CNOT4: variants seen among roughly 807,000 people sequenced by gnomAD.
The protein encoded by CNOT4 is CCR4-associated factor 4.
CNOT4 carries 8 observed loss-of-function variants against 73.8 expected under a neutral mutation model. The observed-to-expected ratio is 0.11, with a 90% confidence interval of 0.06 to 0.20. The LOEUF (loss-of-function observed/expected upper bound fraction) is 0.20. Among genes scored for constraint, CNOT4 ranks in the 10% least tolerant of loss-of-function variants. The pLI is 1.00. For synonymous variants in CNOT4, 293 were observed against 321.1 expected, an observed-to-expected ratio of 0.91 and a Z score of 0.94; for missense variants, 564 against 883.4, an observed-to-expected ratio of 0.64 and a Z score of 4.58.
At chr7:135,480,175 T>A (rs573252618) in intron 1 of CNOT4, among the ~76,000 whole-genome samples, 1 of 152,324 alleles carries the variant, frequency 6.6e-6, no homozygotes, top group African/African-American at 2.4e-5. Context: ...TAATTTCTAG[T>A]AGTCTGGGAG....
At chr7:135,488,108 C>G (rs1369257929) in intron 1 of CNOT4, among the ~76,000 whole-genome samples, 1 of 151,854 alleles carries the variant, frequency 6.6e-6, no homozygotes, top group Non-Finnish European at 1.5e-5. Context: ...TCTTTAAACT[C>G]TACATAAATC....
intron 1 of CNOT4, among the ~76,000 whole-genome samples, chr7:135,458,579 C>T (rs1563062524): frequency 6.6e-6 from 1 of 152,074 alleles, no homozygotes; most frequent in African/African-American, 2.4e-5. Context: ...CCTCTCGAAC[C>T]CTGTCACTGC....
At chr7:135,455,574 TAA>T (rs111521878) in intron 1 of CNOT4, among the ~76,000 whole-genome samples, 4 of 144,338 alleles carry the variant, frequency 2.8e-5, no homozygotes, top group Admixed American at 1.4e-4. Flanking sequence ...CCCACAGGTT[TAA>T]AAAAAAAAAA....
intron 1 of CNOT4, chr7:135,444,878 C>G: frequency 6.3e-7 from 1 of 1,597,304 alleles, no homozygotes; most frequent in Non-Finnish European, 8.6e-7. Flanking sequence ...TTTGCTATTT[C>G]AACTATCACG....
chr7:135,455,836 C>T (rs1800491909), intron 1 of CNOT4, among the ~76,000 whole-genome samples: 1 of 152,110 alleles, frequency 6.6e-6, no homozygotes, highest in Non-Finnish European at 1.5e-5. Context: ...CCACTGCACT[C>T]CAGCCTGGGC....
chr7:135,380,612 T>C (rs561136171), intron 10 of CNOT4, among the ~76,000 whole-genome samples: 1 of 152,312 alleles, frequency 6.6e-6, no homozygotes, highest in East Asian at 1.9e-4. Flanking sequence ...TTGTAAGCCC[T>C]TGACTTGAGA....
chr7:135,503,796 A>C (rs750213022), intron 1 of CNOT4, among the ~76,000 whole-genome samples: 1 of 152,222 alleles, frequency 6.6e-6, no homozygotes. Flanking sequence ...AAGGATTTCC[A>C]TGAAAAGAAA....
At chr7:135,490,834 A>G (rs187562119) in intron 1 of CNOT4, among the ~76,000 whole-genome samples, 1 of 152,366 alleles carries the variant, frequency 6.6e-6, no homozygotes, top group African/African-American at 2.4e-5. Flanking sequence ...TTAATAACAG[A>G]CTACAGAGGG....
intron 1 of CNOT4, among the ~76,000 whole-genome samples, chr7:135,469,807 T>C (rs1048497992): frequency 6.6e-6 from 1 of 150,970 alleles, no homozygotes; most frequent in African/African-American, 2.5e-5. Context: ...TTGGTGGTGA[T>C]GTGTGGGTTT....
rs1799718997 is a variant in CNOT4, at chr7:135,444,819, G to A, written c.-92-6396C>T. On this transcript the variant is annotated intron_variant, in intron 1 of 11. Coordinates refer to ENST00000541284, the MANE Select transcript of CNOT4 (RefSeq NM_001190850.2). Reference sequence around the variant, plus strand: ...TGTTCATGGGGATGCCTCGCAGAAAGCTGCCAAGGCAGGGCTTTTGGCACT... The same window carrying A: ...TGTTCATGGGGATGCCTCGCAGAAAACTGCCAAGGCAGGGCTTTTGGCACT... The A allele has an allele frequency of 1.9e-6, 3 of 1,605,412 alleles. No individual in the cohort carries two copies. The South Asian group carries it at 3.3e-5, about 18-fold the overall frequency.
rs1370317713 is a variant in CNOT4 at position 135,509,913 on chromosome 7, C to G, written c.-117G>C. ...CCCGCCTGCCTTGCCTCGCTTTTCC[C>G]TCAGCCGACTCCACGGGCTGCCGCG... On this transcript the variant is annotated 5_prime_UTR_variant, in exon 1 of 12. Coordinates refer to ENST00000541284, the MANE Select transcript of CNOT4 (RefSeq NM_001190850.2). 2 of 397,266 alleles carry G rather than the reference C, an allele frequency of 5.0e-6. No individual in the cohort carries two copies. Among genetic ancestry groups the G allele is most frequent in the Non-Finnish European group, 8.9e-6 (2 of 225,366 alleles). The allele number at this position is 397,266 out of a possible 1,614,324, so 24.6% of individuals were successfully genotyped here. A position where few individuals can be genotyped will look rare whatever the true frequency, so the allele number is the denominator to read the frequency against.
intron 1 of CNOT4, among the ~76,000 whole-genome samples, chr7:135,503,839 T>C (rs542800105): frequency 6.6e-6 from 1 of 152,260 alleles, no homozygotes; most frequent in Admixed American, 6.5e-5. Context: ...CAACACTGTT[T>C]ATATTATACA....
chr7:135,478,235 T>G lies in CNOT4; in HGVS notation c.-93+31654A>C, dbSNP rs73158952. ...AATGTCTCAACTAAGGTATCACTCT[T>G]AATTTTTATAGCAATTAAGAACCAA... On this transcript the variant is annotated intron_variant, in intron 1 of 11. Transcript: ENST00000541284. 5.1e-3 allele frequency among the ~76,000 whole-genome samples: 784 copies of G among 152,356 alleles called. 3 individuals are homozygous for G. The highest frequency in any genetic ancestry group is 9.0e-3 in the Non-Finnish European group (612 of 68,034).
chr7:135,363,201 G>GA lies in CNOT4; in HGVS notation c.1841-16dup. On this transcript the variant is annotated splice_polypyrimidine_tract_variant and intron_variant, in intron 11 of 11. Coordinates refer to ENST00000541284, the MANE Select transcript of CNOT4 (RefSeq NM_001190850.2). This position sits in a 1 kb window ranked among gnomAD's most constrained non-coding sequence, Gnocchi z 4.3. Reference sequence around the variant, plus strand: ...CGCTGGAATACCTAAGGAGAGAAAAGAAAAAAGAGGGAAAATGGTGAGTTT... The same window carrying GA: ...CGCTGGAATACCTAAGGAGAGAAAAGAAAAAAAGAGGGAAAATGGTGAGTTT... The GA allele has an allele frequency of 3.7e-6, 6 of 1,608,520 alleles. No homozygotes were observed. Among genetic ancestry groups the GA allele is most frequent in the Non-Finnish European group, 5.1e-6 (6 of 1,177,870 alleles).
intron 1 of CNOT4, among the ~76,000 whole-genome samples, chr7:135,483,603 T>C (rs1378767544): frequency 3.3e-5 from 5 of 151,780 alleles, no homozygotes; most frequent in Non-Finnish European, 7.4e-5. Flanking sequence ...GGAGGGCAGA[T>C]TGCTTCAGCC....
intron 1 of CNOT4, among the ~76,000 whole-genome samples, chr7:135,491,049 C>G (rs1803074719): frequency 6.6e-6 from 1 of 152,190 alleles, no homozygotes; most frequent in African/African-American, 2.4e-5. Context: ...GCCTGAGCAA[C>G]TGGAAAGCTG....
Position 135,395,718 on chromosome 7 carries a change from T to C in CNOT4, c.1045A>G (p.Ser349Gly). 6.2e-7 allele frequency: 1 copy of C among 1,613,974 alleles called. No homozygotes were observed. Among genetic ancestry groups the C allele is most frequent in the Non-Finnish European group, 8.5e-7 (1 of 1,179,932 alleles). ...DNFRHPNPIP[S>G]GLPPFPSSPQ... ...GAGCTGGGGAAAGGAGGAAGCCCAC[T>C]TGGGATAGGGTTGGGATGGCGAAAA... Residue 349 changes from serine to glycine, a missense_variant, in exon 9 of 12, where the codon AGT becomes GGT. Ser to Gly is a moderately conservative substitution (Grantham distance 56). Around this residue, in one of 10 missense-constraint regions of CNOT4, gnomAD observed 135 missense variants for 154.0 expected, o/e 0.88. Coordinates refer to ENST00000541284, the MANE Select transcript of CNOT4 (RefSeq NM_001190850.2).
At chr7:135,482,105 C>T (rs1452628914) in intron 1 of CNOT4, among the ~76,000 whole-genome samples, 2 of 152,088 alleles carry the variant, frequency 1.3e-5, no homozygotes, top group African/African-American at 2.4e-5. Context: ...GTTCCCAACA[C>T]AAATAATAAA....
In CNOT4 at chr7:135,362,618, A is replaced by ATTTTT; in HGVS notation, c.*262_*266dup. On this transcript the variant is annotated 3_prime_UTR_variant, in exon 12 of 12. Coordinates refer to ENST00000541284, the MANE Select transcript of CNOT4 (RefSeq NM_001190850.2). ...TTCTAAGTATTGAGACTGCCCTTTG[A>ATTTTT]TTTTTTTTTCTCTCCTTAAAAAGGC... 2 of 571,322 alleles carry ATTTTT rather than the reference A, an allele frequency of 3.5e-6. No individual in the cohort carries two copies. Among genetic ancestry groups the ATTTTT allele is most frequent in the South Asian group, 2.0e-5 (1 of 49,634 alleles). The allele number at this position is 571,322 out of a possible 1,614,324, so 35.4% of individuals were successfully genotyped here. A position where few individuals can be genotyped will look rare whatever the true frequency, so the allele number is the denominator to read the frequency against.
Sources: allele counts gnomAD v4.1 joint callset (sites outside exome capture counted in the v4.1 genomes callset), GRCh38; gene constraint gnomAD v4.1.1; regional missense constraint gnomAD v4.1.1; non-coding constraint Gnocchi (gnomAD v3.1); transcripts MANE v1.5; gene names NCBI Gene and HGNC (gene_info 2026-07-23, HGNC 2026-07-21).